Variants in INTS1 observed in about 807,000 individuals in gnomAD.
The protein encoded by INTS1 is integrator complex subunit 1.
Under a neutral mutation model 241.6 loss-of-function variants are expected in INTS1, and 137 were observed. The observed-to-expected ratio is 0.57, with a 90% confidence interval of 0.49 to 0.65. The LOEUF is 0.65. INTS1 is among the 30% of genes least tolerant of loss of function. INTS1 has a pLI of 0.00. For missense variants in INTS1, 3,073 were observed against 3,032.2 expected (o/e 1.01, Z -0.32); for synonymous variants, 1,692 against 1,337.8 (o/e 1.26, Z -5.78).
In INTS1 at chr7:1,480,914, C is replaced by T; in HGVS notation, c.3870G>A (p.Val1290=). The part of the protein sequence containing the change: ...IMDKNYMAHL[V]EVQHERGASG... The stretch of plus-strand genomic sequence containing the variant: ...AGGCGCCGCGCTCATGCTGGACCTC[C>T]ACCAGGTGGGCCATGTAATCTGCAA... The change falls in exon 29 of 48, where the codon GTG becomes GTA. Residue 1290 remains valine, a synonymous_variant. Coordinates refer to ENST00000404767, the MANE Select transcript of INTS1 (RefSeq NM_001080453.3). 1 of 1,571,220 alleles carries T rather than the reference C, an allele frequency of 6.4e-7. No homozygotes were observed. The highest frequency in any genetic ancestry group is 1.3e-5 in the African/African-American group (1 of 74,090).
rs1298218838 is a variant in INTS1, at chr7:1,483,868, G to A, written c.3430-15C>T. 15 of 1,603,760 alleles carry A rather than the reference G, an allele frequency of 9.4e-6. No homozygotes were observed. Among genetic ancestry groups the A allele is most frequent in the Middle Eastern group, 1.7e-4 (1 of 6,040 alleles). ...TGAGACTCCGACTGTGGGAAAAGAG[G>A]TGGAGTCAGGCCGTAAGGTTCAGGG... On this transcript the variant is annotated splice_polypyrimidine_tract_variant and intron_variant, in intron 25 of 47. Coordinates refer to ENST00000404767, the MANE Select transcript of INTS1 (RefSeq NM_001080453.3).
intron 13 of INTS1, 69 bp from the exon 14 acceptor site, chr7:1,494,962 G>A (rs1436838300): frequency 6.6e-7 from 1 of 1,524,162 alleles, no homozygotes; most frequent in African/African-American, 1.4e-5. Context: ...TAGTTCCAGG[G>A]AAGGGACCCC....
At chr7:1,475,358 C>G (rs1047569338) in intron 39 of INTS1, among the ~76,000 whole-genome samples, 1 of 152,124 alleles carries the variant, frequency 6.6e-6, no homozygotes, top group Non-Finnish European at 1.5e-5. Context: ...GCACTCCAGC[C>G]TTGGCAACAG....
At chr7:1,473,415 T>C (rs950188878) in intron 42 of INTS1, 151 bp downstream of exon 42, 122 of 1,051,376 alleles carry the variant, frequency 1.2e-4, no homozygotes, top group Middle Eastern at 3.1e-4. Flanking sequence ...GGGCGGCCTC[T>C]GCGCCCTGGG....
intron 1 of INTS1, 84 bp from the exon 2 acceptor site, chr7:1,504,085 G>A (rs1037597541): frequency 2.7e-6 from 2 of 735,140 alleles, no homozygotes; most frequent in African/African-American, 3.8e-5. Flanking sequence ...ACGGGGCTTG[G>A]GCCTGGGACC....
chr7:1,484,279 C>T (rs888582997), intron 24 of INTS1, 109 bp from the exon 25 acceptor site: 9 of 1,167,852 alleles, frequency 7.7e-6, no homozygotes, highest in Admixed American at 4.6e-5. Context: ...AAGCAGGGCC[C>T]GCGGCACCGC....
rs1363928853 is a variant in INTS1, at chr7:1,498,871, A to T, written c.1138-19T>A. On this transcript the variant is annotated intron_variant, in intron 8 of 47. Coordinates refer to ENST00000404767, the MANE Select transcript of INTS1 (RefSeq NM_001080453.3). ...GGGTCAGCTGCGGGGCCGAGGAGGG[A>T]GCAGTGGGCTCACGGCCACCCCGGC... 6.3e-7 allele frequency: 1 copy of T among 1,587,688 alleles called. No individual in the cohort carries two copies. The highest frequency in any genetic ancestry group is 8.6e-7 in the Non-Finnish European group (1 of 1,168,196).
chr7:1,478,106 G>T (rs1158691785), intron 33 of INTS1, among the ~76,000 whole-genome samples, 170 bp from the exon 34 acceptor site: 1 of 148,272 alleles, frequency 6.7e-6, no homozygotes, highest in Non-Finnish European at 1.5e-5. Context: ...AGGAGAGTGC[G>T]GCCGGGGCTG....
chr7:1,494,965 G>A, intron 13 of INTS1, 72 bp from the exon 14 acceptor site: 5 of 1,519,636 alleles, frequency 3.3e-6, no homozygotes, highest in Non-Finnish European at 4.4e-6. Context: ...TTCCAGGGAA[G>A]GGACCCCGCT....
Position 1,499,487 on chromosome 7 carries a change from C to A in INTS1, c.830G>T (p.Gly277Val). ...LLQGEAGRVA[G>V]DLGAGSSPHP... ...GTGTGTCTCACCTGCACCCAGGTCG[C>A]CCGCAACGCGGCCCGCCTCCCCCTG... The change falls in exon 6 of 48, where the codon GGC becomes GTC. Residue 277 changes from glycine to valine, a missense_variant. Coordinates refer to ENST00000404767, the MANE Select transcript of INTS1 (RefSeq NM_001080453.3). 6.2e-7 allele frequency: 1 copy of A among 1,601,472 alleles called. No individual in the cohort carries two copies. Among genetic ancestry groups the A allele is most frequent in the Non-Finnish European group, 8.5e-7 (1 of 1,174,176 alleles).
rs142684687 is a variant in INTS1, at chr7:1,499,845, C to G, written c.684+39G>C. ...CTCTCGCCCCTGCCCCACCCCGTGGCGCTCTGCCATCTTCACCGTCCCGGG... is the reference window on the plus strand; with the variant it reads ...CTCTCGCCCCTGCCCCACCCCGTGGGGCTCTGCCATCTTCACCGTCCCGGG... On this transcript the variant is annotated intron_variant, in intron 5 of 47. Coordinates refer to ENST00000404767, the MANE Select transcript of INTS1 (RefSeq NM_001080453.3). The G allele has an allele frequency of 3.8e-6, 6 of 1,592,846 alleles. No individual in the cohort carries two copies. The Admixed American group carries it at 6.8e-5, about 18-fold the overall frequency.
At position 1,471,231 on chromosome 7, in the gene INTS1, G is replaced by A. The variant is rs763340360; in HGVS notation, c.6256-7C>T. On this transcript the variant is annotated splice_polypyrimidine_tract_variant and splice_region_variant and intron_variant, in intron 45 of 47. Coordinates refer to ENST00000404767, the MANE Select transcript of INTS1 (RefSeq NM_001080453.3). Reference sequence around the variant, plus strand: ...TCAGCCGCTGCAGGTTGGTCTGACCGGGGGAAAGGTGGGAGGTGTGTGACC... The same window carrying A: ...TCAGCCGCTGCAGGTTGGTCTGACCAGGGGAAAGGTGGGAGGTGTGTGACC... 38 of 1,570,598 alleles carry A rather than the reference G, an allele frequency of 2.4e-5. No individual in the cohort carries two copies. The highest frequency in any genetic ancestry group is 9.5e-5 in the African/African-American group (7 of 73,872).
chr7:1,496,956 A>G (rs969240054), intron 11 of INTS1, among the ~76,000 whole-genome samples, 182 bp downstream of exon 11: 6 of 152,116 alleles, frequency 3.9e-5, no homozygotes, highest in Admixed American at 6.5e-5. Flanking sequence ...AGGTCCTCAC[A>G]CAGGACAGAG....
rs1305290338 is a variant in INTS1 at position 1,477,539 on chromosome 7, G to A, written c.4938+11C>T. ...GGGTGGGTCCCCGTGCTGAAGCTGG[G>A]TGCCACCCACCTTCCTCCGGGAGAA... is the stretch of plus-strand genomic sequence containing the variant. On this transcript the variant is annotated intron_variant, in intron 35 of 47. Transcript: ENST00000404767. The A allele has an allele frequency of 2.0e-6, 3 of 1,504,854 alleles. No homozygotes were observed. Among genetic ancestry groups the A allele is most frequent in the East Asian group, 2.4e-5 (1 of 41,554 alleles). The allele number at this position is 1,504,854 out of a possible 1,614,324, so 93.2% of individuals were successfully genotyped here. A position where few individuals can be genotyped will look rare whatever the true frequency, so the allele number is the denominator to read the frequency against.
At chr7:1,486,247 CTTCT>C (rs1435368613) in intron 22 of INTS1, among the ~76,000 whole-genome samples, 1 of 151,222 alleles carries the variant, frequency 6.6e-6, no homozygotes, top group Admixed American at 6.6e-5. Flanking sequence ...ACTCATTTTA[CTTCT>C]TTATTTTTCA....
In INTS1 at chr7:1,498,449, T is replaced by G; in HGVS notation, c.1388A>C (p.Tyr463Ser). The G allele has an allele frequency of 2.5e-6, 4 of 1,613,910 alleles. No individual in the cohort carries two copies. Among genetic ancestry groups the G allele is most frequent in the Non-Finnish European group, 1.7e-6 (2 of 1,179,876 alleles). Reference protein sequence around the residue: ...ARNPNNMQVLYTALQHSSELA... With the variant: ...ARNPNNMQVLSTALQHSSELA... The stretch of plus-strand genomic sequence containing the variant: ...CTCTGAGCTGTGCTGCAGTGCGGTA[T>G]AGAGGACCTGCATGTTGTTCGGGTT... Residue 463 changes from tyrosine (Y) to serine (S), a missense_variant, in exon 10 of 48, where the codon TAT (tyrosine) becomes TCT (serine). Transcript: ENST00000404767.
Position 1,497,119 on chromosome 7 carries a change from C to A in INTS1, c.1602+19G>T. 1.3e-6 allele frequency: 2 copies of A among 1,584,300 alleles called. No individual in the cohort carries two copies. Among genetic ancestry groups the A allele is most frequent in the Non-Finnish European group, 1.7e-6 (2 of 1,167,184 alleles). On this transcript the variant is annotated intron_variant, in intron 11 of 47. Transcript: ENST00000404767. The surrounding 1 kb of genome is among the most constrained non-coding windows in gnomAD (Gnocchi z 5.3). ...AACCCGCAGTGAGGGAAAGGCGCCC[C>A]AGCGGCGAGGGCTGGCACCTTGAAC... is the stretch of plus-strand genomic sequence containing the variant.
chr7:1,474,995 C>T (rs915375201), intron 39 of INTS1, among the ~76,000 whole-genome samples, 157 bp from the exon 40 acceptor site: 1 of 152,264 alleles, frequency 6.6e-6, no homozygotes, highest in Non-Finnish European at 1.5e-5. Flanking sequence ...CTCGGGAGGG[C>T]AGGCAGGCCA....
At chr7:1,502,509 C>A (rs1783237076) in intron 3 of INTS1, among the ~76,000 whole-genome samples, 1 of 152,164 alleles carries the variant, frequency 6.6e-6, no homozygotes, top group South Asian at 2.1e-4. Flanking sequence ...GAACCAAGTA[C>A]ACATCGCCTC....
Sources: gnomAD v4.1 joint callset for allele counts (sites outside exome capture counted in the v4.1 genomes callset) on GRCh38, gnomAD v4.1.1 for gene constraint, Gnocchi (gnomAD v3.1) non-coding constraint, MANE v1.5 for transcripts, NCBI Gene and HGNC (gene_info 2026-07-23, HGNC 2026-07-21) for gene names.